CADPS2: variants seen among roughly 807,000 people sequenced by gnomAD.
CADPS2 encodes calcium-dependent secretion activator 2.
In CADPS2, 93 loss-of-function variants were observed where a neutral mutation model predicts 172.5. The observed-to-expected ratio is 0.54, with a 90% CI of 0.46 to 0.64. The LOEUF is 0.64. Among genes scored for constraint, CADPS2 ranks in the 30% least tolerant of loss-of-function variants. The pLI is 0.00. For synonymous variants in CADPS2, 546 were observed against 555.2 expected (o/e 0.98, Z 0.23); for missense variants, 1,420 against 1,565.9 (o/e 0.91, Z 1.57).
Position 122,458,478 on chromosome 7 carries a change from T to C in CADPS2, c.2187-7003A>G, listed in dbSNP as rs546544142. 2.0e-4 allele frequency among the ~76,000 whole-genome samples: 31 copies of C among 152,316 alleles called. No individual in the cohort carries two copies. The South Asian group carries it at 6.2e-3, about 31-fold the overall frequency. On this transcript the variant is annotated intron_variant, in intron 14 of 29. Transcript: ENST00000449022. ...AAATATCCAGAAGAAATTAATTGTG[T>C]CTTTATATGATCATTGAGATATAAA...
chr7:122,445,951 A>G (rs1273894390), intron 15 of CADPS2, among the ~76,000 whole-genome samples: 1 of 152,218 alleles, frequency 6.6e-6, no homozygotes, highest in African/African-American at 2.4e-5. Context: ...TCCAATTTGG[A>G]TGACTTCAAA....
At chr7:122,832,645 G>A (rs555279233) in intron 1 of CADPS2, among the ~76,000 whole-genome samples, 1 of 152,238 alleles carries the variant, frequency 6.6e-6, no homozygotes, top group African/African-American at 2.4e-5. Context: ...ACCACTGAAA[G>A]GTAACAAAAG....
chr7:122,433,147 C>CGTGTGTGTGT (rs112891927), intron 17 of CADPS2, among the ~76,000 whole-genome samples: 50 of 148,954 alleles, frequency 3.4e-4, no homozygotes, highest in African/African-American at 1.2e-3. Context: ...CTATTTGAGG[C>CGTGTGTGTGT]GTGTGTGTGT....
At chr7:122,415,947 C>T (rs11973627) in intron 18 of CADPS2, 114 bp downstream of exon 18, 35,830 of 522,210 alleles carry the variant, frequency 0.069, 2,020 homozygotes, top group African/African-American at 0.21. Context: ...GGTGCTTATT[C>T]GTTAAATGTT....
chr7:122,579,617 A>G (rs1391675569), intron 7 of CADPS2, among the ~76,000 whole-genome samples: 1 of 151,596 alleles, frequency 6.6e-6, no homozygotes, highest in Non-Finnish European at 1.5e-5. Flanking sequence ...TATAGTTACA[A>G]TAAGAAAAGT....
chr7:122,725,893 G>T (rs529206817), intron 2 of CADPS2, among the ~76,000 whole-genome samples: 1 of 151,550 alleles, frequency 6.6e-6, no homozygotes, highest in African/African-American at 2.4e-5. Context: ...CCTGCAGGAC[G>T]CCTGGATGAC....
At position 122,393,723 on chromosome 7, in the gene CADPS2, C is replaced by T. The variant is rs529095336; in HGVS notation, c.2747-141G>A. ...TGCAGATGAGAGTAGATCATACCCCCCATATTGAATATCATATCATGGAAA... is the reference window on the plus strand; with the variant it reads ...TGCAGATGAGAGTAGATCATACCCCTCATATTGAATATCATATCATGGAAA... On this transcript the variant is annotated intron_variant, in intron 20 of 29. Coordinates refer to ENST00000449022, the MANE Select transcript of CADPS2 (RefSeq NM_017954.11). 4.9e-4 allele frequency: 391 copies of T among 794,004 alleles called. 2 individuals carry two copies. The African/African-American group carries it at 6.0e-3, about 12-fold the overall frequency. The allele number at this position is 794,004 out of a possible 1,614,324, so 49.2% of individuals were successfully genotyped here.
intron 2 of CADPS2, among the ~76,000 whole-genome samples, chr7:122,688,141 C>T (rs1489182650): frequency 6.6e-6 from 1 of 152,196 alleles, no homozygotes; most frequent in Admixed American, 6.5e-5. Flanking sequence ...CCTCTACTCC[C>T]CCTGACCCAT....
At chr7:122,768,972 G>C (rs995183351) in intron 1 of CADPS2, among the ~76,000 whole-genome samples, 1 of 151,336 alleles carries the variant, frequency 6.6e-6, no homozygotes, top group Non-Finnish European at 1.5e-5. Flanking sequence ...AAAAAAGAAA[G>C]AAACGGTCAC....
At chr7:122,514,900 A>G (rs562117712) in intron 8 of CADPS2, among the ~76,000 whole-genome samples, 1 of 152,320 alleles carries the variant, frequency 6.6e-6, no homozygotes, top group Admixed American at 6.5e-5. Flanking sequence ...ATAGTTAATG[A>G]TTTGGAACTT....
At chr7:122,603,345 TAA>T (rs2073055044) in intron 6 of CADPS2, among the ~76,000 whole-genome samples, 2 of 151,998 alleles carry the variant, frequency 1.3e-5, no homozygotes, top group South Asian at 4.1e-4. Context: ...TTGGTACTGT[TAA>T]AGACACTCAA....
At chr7:122,515,938 G>GA (rs200447537) in intron 8 of CADPS2, among the ~76,000 whole-genome samples, 4 of 144,884 alleles carry the variant, frequency 2.8e-5, no homozygotes, top group Non-Finnish European at 4.4e-5. Flanking sequence ...AATATATTTG[G>GA]AAAAAAAACA....
intron 29 of CADPS2, 98 bp from the exon 30 acceptor site, chr7:122,320,436 C>G: frequency 1.1e-6 from 1 of 900,652 alleles, no homozygotes; most frequent in Non-Finnish European, 1.6e-6. Context: ...CTTGGGGAAT[C>G]CACTGATAGG....
At chr7:122,645,423 G>GTACATGTATACACGCATGTACATA (rs1563949126) in intron 3 of CADPS2, among the ~76,000 whole-genome samples, 4 of 93,254 alleles carry the variant, frequency 4.3e-5, no homozygotes, top group African/African-American at 1.4e-4. Flanking sequence ...ACATGTATAT[G>GTACATGTATACACGCATGTACATA]TGTGTATATA....
intron 8 of CADPS2, among the ~76,000 whole-genome samples, chr7:122,521,823 GA>G (rs1210647194): frequency 1.3e-5 from 2 of 151,820 alleles, no homozygotes; most frequent in Non-Finnish European, 2.9e-5. Flanking sequence ...ACATTTTATA[GA>G]ATTGTCCCTC....
rs2055838899 is a variant in CADPS2, at chr7:122,470,904, T to C, written c.2186+471A>G. Reference sequence around the variant, plus strand: ...AGAGTACTTGTTCCTAAAGTGTGGATTAGGGAAGTGGCTAAGAAGAGACTC... The same window carrying C: ...AGAGTACTTGTTCCTAAAGTGTGGACTAGGGAAGTGGCTAAGAAGAGACTC... On this transcript the variant is annotated intron_variant, in intron 14 of 29. Transcript: ENST00000449022. Among the ~76,000 whole-genome samples the C allele has an allele frequency of 2.6e-5, 4 of 152,262 alleles. No individual in the cohort carries two copies. In the South Asian group the frequency reaches 6.2e-4, roughly 24 times the overall value.
intron 1 of CADPS2, among the ~76,000 whole-genome samples, chr7:122,868,986 A>C (rs1819021904): frequency 6.6e-6 from 1 of 152,160 alleles, no homozygotes; most frequent in African/African-American, 2.4e-5. Context: ...AGACAAAATC[A>C]TTGGAAATCA....
intron 1 of CADPS2, among the ~76,000 whole-genome samples, chr7:122,848,279 C>T (rs1343028197): frequency 2.0e-5 from 3 of 152,200 alleles, no homozygotes; most frequent in African/African-American, 7.2e-5. Context: ...TCCTCTGCGA[C>T]AGAGCCCACA....
intron 1 of CADPS2, among the ~76,000 whole-genome samples, chr7:122,822,706 G>C (rs984808711): frequency 6.6e-6 from 1 of 151,590 alleles, no homozygotes; most frequent in South Asian, 2.1e-4. Flanking sequence ...AGTGTAAATG[G>C]CCGATCCTTG....
Sources: gnomAD v4.1 joint callset for allele counts (sites outside exome capture counted in the v4.1 genomes callset) on GRCh38, gnomAD v4.1.1 for gene constraint, MANE v1.5 for transcripts, NCBI Gene and HGNC (gene_info 2026-07-23, HGNC 2026-07-21) for gene names.